CCSER1: variants seen among roughly 807,000 people sequenced by gnomAD.
The protein encoded by CCSER1 is coiled-coil serine rich protein 1.
A neutral mutation model predicts 82.0 loss-of-function variants in CCSER1; 41 were observed. That is an observed-to-expected ratio of 0.50 (90% CI 0.39 to 0.65). CCSER1 has a LOEUF of 0.65. Ranked by LOEUF, CCSER1 falls within the 30% of genes least tolerant of loss-of-function variation. The pLI is 0.00. For missense variants in CCSER1, 1,119 were observed against 1,064.2 expected (o/e 1.05, Z -0.72); for synonymous variants, 414 against 383.9 (o/e 1.08, Z -0.92).
At chr4:91,328,747 G>A (rs2870309) in intron 10 of CCSER1, among the ~76,000 whole-genome samples, 118,950 of 152,084 alleles carry the variant, frequency 0.78, 47,234 homozygotes, top group African/African-American at 0.92. Context: ...ATTTTATTTT[G>A]TATGTTATTA....
At chr4:91,098,652 C>T (rs1208903769) in intron 10 of CCSER1, among the ~76,000 whole-genome samples, 1 of 152,038 alleles carries the variant, frequency 6.6e-6, no homozygotes, top group Non-Finnish European at 1.5e-5. Flanking sequence ...TGCCATTCTC[C>T]TGCCTCAGCC....
At chr4:91,594,095 G>T (rs113191257) in intron 10 of CCSER1, among the ~76,000 whole-genome samples, 1 of 151,770 alleles carries the variant, frequency 6.6e-6, no homozygotes, top group African/African-American at 2.4e-5. Flanking sequence ...ACTAAATTGC[G>T]CAGAATCTGA....
At position 91,012,930 on chromosome 4, in the gene CCSER1, G is replaced by A. The variant is rs917692943; in HGVS notation, c.2173-73020G>A. Among the ~76,000 whole-genome samples the A allele has an allele frequency of 3.0e-5, 4 of 133,852 alleles. 1 individual carries two copies. Among genetic ancestry groups the A allele is most frequent in the African/African-American group, 9.9e-5 (4 of 40,228 alleles). 87.8% of individuals were successfully genotyped at this position (133,852 alleles called of 152,430 possible). The stretch of plus-strand genomic sequence containing the variant: ...GCTTACCATTTCCCCACAAGAAGAA[G>A]TTCCTTCTGGTTCCAAACTGACCCT... On this transcript the variant is annotated intron_variant, in intron 9 of 10. Transcript: ENST00000509176.
At position 90,241,633 on chromosome 4, in the gene CCSER1, T is replaced by A. The variant is rs534097589; in HGVS notation, c.-41-66611T>A. Among the ~76,000 whole-genome samples, 3 of 152,324 alleles carry A rather than the reference T, an allele frequency of 2.0e-5. No homozygotes were observed. In the South Asian group the frequency reaches 6.2e-4, roughly 32 times the overall value. ...TTGACAATTTGCTTTGGATTTGTAA[T>A]CTTTCCTTAGGGTGTTATTTTTTTT... On this transcript the variant is annotated intron_variant, in intron 1 of 10. Transcript: ENST00000509176.
At chr4:90,791,743 A>G (rs567907623) in intron 7 of CCSER1, among the ~76,000 whole-genome samples, 1 of 150,772 alleles carries the variant, frequency 6.6e-6, no homozygotes, top group African/African-American at 2.4e-5. Flanking sequence ...AATGGCTTGA[A>G]CCTGGGAGTT....
intron 1 of CCSER1, chr4:90,235,026 TC>T (rs1745508865): frequency 6.6e-6 from 1 of 152,208 alleles, no homozygotes; most frequent in Admixed American, 6.5e-5. Flanking sequence ...TTGTCTGCCA[TC>T]TCTGTTACCA....
chr4:90,845,965 AT>A (rs57833291), intron 8 of CCSER1, among the ~76,000 whole-genome samples: 27,465 of 151,978 alleles, frequency 0.18, 2,766 homozygotes, highest in South Asian at 0.26. Flanking sequence ...CTATTTATAG[AT>A]TTTTTTTATG....
At chr4:91,304,336 A>G (rs536158963) in intron 10 of CCSER1, among the ~76,000 whole-genome samples, 1 of 152,222 alleles carries the variant, frequency 6.6e-6, no homozygotes, top group Admixed American at 6.5e-5. Context: ...AATTTGGTAA[A>G]TATTAGGTTT....
chr4:90,980,836 G>A (rs1169204954), intron 9 of CCSER1, among the ~76,000 whole-genome samples: 1 of 151,680 alleles, frequency 6.6e-6, no homozygotes, highest in Non-Finnish European at 1.5e-5. Context: ...TTGCCCCCAG[G>A]CTATATTAAG....
intron 7 of CCSER1, among the ~76,000 whole-genome samples, chr4:90,740,453 A>T (rs1243486315): frequency 6.6e-6 from 1 of 152,220 alleles, no homozygotes; most frequent in Non-Finnish European, 1.5e-5. Context: ...AATTTTGCTT[A>T]ATTTGTGTTA....
At chr4:90,437,234 CACGCACACATGCACACAT>C (rs1203766005) in intron 4 of CCSER1, among the ~76,000 whole-genome samples, 2 of 152,212 alleles carry the variant, frequency 1.3e-5, no homozygotes, top group African/African-American at 2.4e-5. Context: ...TTAAAACACA[CACGCACACATGCACACAT>C]ACGCACACAT....
intron 5 of CCSER1, among the ~76,000 whole-genome samples, chr4:90,485,528 C>T (rs971892272): frequency 2.7e-5 from 4 of 150,878 alleles, no homozygotes; most frequent in Non-Finnish European, 5.9e-5. Flanking sequence ...ACCCCCCCCC[C>T]CCAATTTAAC....
intron 3 of CCSER1, among the ~76,000 whole-genome samples, chr4:90,326,172 C>T (rs1738159860): frequency 6.6e-6 from 1 of 150,864 alleles, no homozygotes; most frequent in African/African-American, 2.4e-5. Flanking sequence ...CATTCTCCTG[C>T]CTCAGCCTCC....
intron 6 of CCSER1, among the ~76,000 whole-genome samples, chr4:90,717,735 T>C (rs1201945863): frequency 1.4e-5 from 2 of 139,524 alleles, no homozygotes; most frequent in Non-Finnish European, 3.1e-5. Context: ...TTTATATATA[T>C]ATATACACAT....
intron 10 of CCSER1, among the ~76,000 whole-genome samples, chr4:91,166,156 A>G (rs1732042297): frequency 6.6e-6 from 1 of 152,250 alleles, no homozygotes; most frequent in South Asian, 2.1e-4. Flanking sequence ...ATCTTTAATA[A>G]TTAAATGTAA....
intron 8 of CCSER1, among the ~76,000 whole-genome samples, chr4:90,901,665 G>A (rs1263263598): frequency 6.6e-6 from 1 of 151,838 alleles, no homozygotes; most frequent in Admixed American, 6.6e-5. Flanking sequence ...TAGTCTAATG[G>A]GATTTTCTTT....
chr4:90,279,222 AT>A (rs1216374622), intron 1 of CCSER1, among the ~76,000 whole-genome samples: 1 of 152,026 alleles, frequency 6.6e-6, no homozygotes, highest in Non-Finnish European at 1.5e-5. Context: ...AACTTAATTA[AT>A]ATACAGATAT....
chr4:91,181,668 C>T (rs1277579021), intron 10 of CCSER1, among the ~76,000 whole-genome samples: 1 of 152,140 alleles, frequency 6.6e-6, no homozygotes, highest in Admixed American at 6.6e-5. Flanking sequence ...GCTAAACATC[C>T]CCTTAGGGGA....
At chr4:91,068,705 C>T (rs1721102144) in intron 9 of CCSER1, among the ~76,000 whole-genome samples, 1 of 152,010 alleles carries the variant, frequency 6.6e-6, no homozygotes, top group African/African-American at 2.4e-5. Context: ...GCGTAGACTA[C>T]CACTGGTTAC....
Sources: gnomAD v4.1 joint callset for allele counts (sites outside exome capture counted in the v4.1 genomes callset) on GRCh38, gnomAD v4.1.1 for gene constraint, MANE v1.5 for transcripts, NCBI Gene and HGNC (gene_info 2026-07-23, HGNC 2026-07-21) for gene names.